The following DNER variants were observed in gnomAD, a reference collection of about 807,000 sequenced individuals.
The protein encoded by DNER is delta and Notch-like epidermal growth factor-related receptor.
DNER carries 33 observed loss-of-function variants against 78.2 expected under a neutral mutation model. That is an observed-to-expected ratio of 0.42 (90% CI 0.32 to 0.56). The LOEUF is 0.56. Ranked by LOEUF, DNER falls within the 20% of genes least tolerant of loss-of-function variation. The pLI, the probability that DNER is intolerant of heterozygous loss-of-function variation, is 0.11. For synonymous variants in DNER, 417 were observed against 384.8 expected, an observed-to-expected ratio of 1.08 and a Z score of -0.98; for missense variants, 918 against 975.3, an observed-to-expected ratio of 0.94 and a Z score of 0.78.
intron 1 of DNER, among the ~76,000 whole-genome samples, chr2:229,625,758 T>C (rs369435100): frequency 6.6e-6 from 1 of 152,208 alleles, no homozygotes; most frequent in East Asian, 1.9e-4. Flanking sequence ...ACCGTGAGCC[T>C]TGGTAGCAGG....
At chr2:229,556,687 A>G (rs1209259847) in intron 4 of DNER, among the ~76,000 whole-genome samples, 1 of 152,236 alleles carries the variant, frequency 6.6e-6, no homozygotes, top group East Asian at 1.9e-4. Context: ...TCTTAGAGAC[A>G]ACTCTGAAAA....
intron 6 of DNER, among the ~76,000 whole-genome samples, chr2:229,505,977 T>C (rs1375801133): frequency 6.6e-6 from 1 of 152,220 alleles, no homozygotes; most frequent in Admixed American, 6.5e-5. Context: ...AATAGCTTTG[T>C]TGTTTTAATA....
intron 1 of DNER, among the ~76,000 whole-genome samples, chr2:229,648,199 TG>T (rs1698753454): frequency 6.6e-6 from 1 of 152,230 alleles, no homozygotes; most frequent in Non-Finnish European, 1.5e-5. Context: ...TTCTGTTTAT[TG>T]ATGCTGTTGC....
chr2:229,483,506 A>G (rs1175656019), intron 6 of DNER, among the ~76,000 whole-genome samples: 1 of 152,190 alleles, frequency 6.6e-6, no homozygotes, highest in Non-Finnish European at 1.5e-5. Context: ...TTAGCTGAGT[A>G]ATTGGTTTTT....
At position 229,664,632 on chromosome 2, in the gene DNER, C is replaced by T. The variant is rs144069744; in HGVS notation, c.276+49516G>A. Among the ~76,000 whole-genome samples, 372 of 152,250 alleles carry T rather than the reference C, an allele frequency of 2.4e-3. 1 individual carries two copies. The highest frequency in any genetic ancestry group is 8.5e-3 in the African/African-American group (354 of 41,558). On this transcript the variant is annotated intron_variant, in intron 1 of 12. Transcript: ENST00000341772. Reference sequence around the variant, plus strand: ...AAGAGATCAGGTAGTTATGCTCATCCCCATTCCCTGGATAAGTAAACTGAA... The same window carrying T: ...AAGAGATCAGGTAGTTATGCTCATCTCCATTCCCTGGATAAGTAAACTGAA...
Position 229,546,383 on chromosome 2 carries a change from T to C in DNER, c.993+564A>G, listed in dbSNP as rs569822321. Among the ~76,000 whole-genome samples, 15 of 152,282 alleles carry C rather than the reference T, an allele frequency of 9.9e-5. 1 individual carries two copies. Among genetic ancestry groups the C allele is most frequent in the African/African-American group, 2.9e-4 (12 of 41,514 alleles). On this transcript the variant is annotated intron_variant, in intron 5 of 12. Coordinates refer to ENST00000341772, the MANE Select transcript of DNER (RefSeq NM_139072.4). ...TTAAGTTTATGAGCAAGGAATTTAA[T>C]TGGGCTGAAACGGGGCAACAAGGAA... is the stretch of plus-strand genomic sequence containing the variant.
chr2:229,690,098 G>A (rs775463925), intron 1 of DNER, among the ~76,000 whole-genome samples: 1 of 152,200 alleles, frequency 6.6e-6, no homozygotes, highest in African/African-American at 2.4e-5. Flanking sequence ...ACCCCTAGTA[G>A]TCCGCAGGCG....
chr2:229,460,941 C>A (rs1263638781), intron 7 of DNER, among the ~76,000 whole-genome samples: 1 of 151,992 alleles, frequency 6.6e-6, no homozygotes, highest in East Asian at 1.9e-4. Flanking sequence ...AGTCCGATTC[C>A]CCCTTGTAGA....
At chr2:229,401,334 C>T (rs537466923) in intron 10 of DNER, among the ~76,000 whole-genome samples, 93 of 152,008 alleles carry the variant, frequency 6.1e-4, no homozygotes, top group African/African-American at 2.1e-3. Context: ...GCAATTGTCC[C>T]GGAAAAATGA....
At chr2:229,604,063 TCCTCCTAATGACTTTGA>T (rs1697886809) in intron 1 of DNER, among the ~76,000 whole-genome samples, 1 of 152,118 alleles carries the variant, frequency 6.6e-6, no homozygotes, top group Admixed American at 6.5e-5. Flanking sequence ...AGCCTCTGTG[TCCTCCTAATGACTTTGA>T]CCTTCCTTCT....
chr2:229,523,309 C>A (rs140067137), intron 5 of DNER, among the ~76,000 whole-genome samples: 87 of 152,344 alleles, frequency 5.7e-4, no homozygotes, highest in Non-Finnish European at 1.1e-3. Flanking sequence ...GCTGCCGTAA[C>A]GAAGTATCAC....
Position 229,428,822 on chromosome 2 carries a change from G to C in DNER, c.1487-10592C>G, listed in dbSNP as rs187911934. ...AGACACAAGAAGTCAGAGGTGGAGG[G>C]AGGGCAGAAAAAGAGAGAGCAGGAT... On this transcript the variant is annotated intron_variant, in intron 8 of 12. Coordinates refer to ENST00000341772, the MANE Select transcript of DNER (RefSeq NM_139072.4). 3.3e-5 allele frequency among the ~76,000 whole-genome samples: 5 copies of C among 152,266 alleles called. No homozygotes were observed. The East Asian group carries it at 7.7e-4, about 23-fold the overall frequency.
At chr2:229,418,014 T>C in intron 9 of DNER, 94 bp downstream of exon 9, 1 of 1,584,752 alleles carries the variant, frequency 6.3e-7, no homozygotes, top group Non-Finnish European at 8.6e-7. Context: ...TCTGAACAAT[T>C]CATGGTCCAA....
chr2:229,525,401 G>A (rs1696189543), intron 5 of DNER, among the ~76,000 whole-genome samples: 1 of 152,138 alleles, frequency 6.6e-6, no homozygotes, highest in Non-Finnish European at 1.5e-5. Flanking sequence ...TTCCTAATGG[G>A]AAGTGAATGC....
intron 12 of DNER, among the ~76,000 whole-genome samples, chr2:229,358,894 G>A (rs1157735763): frequency 3.3e-5 from 5 of 152,310 alleles, no homozygotes; most frequent in Middle Eastern, 3.4e-3. Flanking sequence ...GAGCTTGCAG[G>A]TTAAATCTTG....
At chr2:229,359,974 T>A (rs1692176416) in intron 12 of DNER, among the ~76,000 whole-genome samples, 1 of 152,210 alleles carries the variant, frequency 6.6e-6, no homozygotes, top group South Asian at 2.1e-4. Context: ...CTTCAATAAA[T>A]ACTTTCTAAA....
chr2:229,667,731 T>C (rs1314313225), intron 1 of DNER, among the ~76,000 whole-genome samples: 1 of 152,222 alleles, frequency 6.6e-6, no homozygotes, highest in East Asian at 1.9e-4. Flanking sequence ...GATACTTTCA[T>C]ATAGCTTAAT....
chr2:229,629,974 A>G (rs1445567603), intron 1 of DNER, among the ~76,000 whole-genome samples: 1 of 152,252 alleles, frequency 6.6e-6, no homozygotes, highest in Admixed American at 6.5e-5. Flanking sequence ...TTAGGAGCAC[A>G]CAGAATGTGT....
At position 229,382,297 on chromosome 2, in the gene DNER, C is replaced by T. The variant is rs1021087122; in HGVS notation, c.1855+5968G>A. 3.0e-4 allele frequency among the ~76,000 whole-genome samples: 45 copies of T among 152,228 alleles called. 1 individual carries two copies. The highest frequency in any genetic ancestry group is 1.5e-4 in the Non-Finnish European group (10 of 68,022). The stretch of plus-strand genomic sequence containing the variant: ...CAAAGACCAAAGGTAGATAAATCCA[C>T]GAAGATGAGGAAAAACCAGCACAAA... On this transcript the variant is annotated intron_variant, in intron 11 of 12. Coordinates refer to ENST00000341772, the MANE Select transcript of DNER (RefSeq NM_139072.4).
Sources: gnomAD v4.1 joint callset for allele counts (sites outside exome capture counted in the v4.1 genomes callset) on GRCh38, gnomAD v4.1.1 for gene constraint, MANE v1.5 for transcripts, NCBI Gene and HGNC (gene_info 2026-07-23, HGNC 2026-07-21) for gene names.